RSF1: variants seen among roughly 807,000 people sequenced by gnomAD.
The protein encoded by RSF1 is remodeling and spacing factor 1.
A neutral mutation model predicts 145.2 loss-of-function variants in RSF1; 13 were observed. The ratio of observed to expected loss-of-function variants is 0.09; its 90% confidence interval spans 0.06 to 0.14. RSF1 has a LOEUF of 0.14. RSF1 is among the 10% of genes least tolerant of loss of function. RSF1 has a pLI of 1.00. For missense variants in RSF1, 1,517 were observed against 1,718.2 expected (o/e 0.88, Z 2.07); for synonymous variants, 577 against 592.6 (o/e 0.97, Z 0.38).
In RSF1 at chr11:77,701,784, GTGA is replaced by G. The variant is rs770050817; in HGVS notation, c.1442_1444del (p.Ile481del). On this transcript the variant is annotated inframe_deletion, in exon 6 of 16. Coordinates refer to ENST00000308488, the MANE Select transcript of RSF1 (RefSeq NM_016578.4). ...TAAGGACTCTGTTCCATTTCCCTCC[GTGA>G]TGATATTTCTGTCCTTAGAGGGGCT... The G allele has an allele frequency of 1.2e-6, 2 of 1,613,790 alleles. No individual in the cohort carries two copies. The highest frequency in any genetic ancestry group is 1.1e-5 in the South Asian group (1 of 91,060).
At chr11:77,736,521 G>A (rs147949566) in intron 4 of RSF1, among the ~76,000 whole-genome samples, 1 of 152,290 alleles carries the variant, frequency 6.6e-6, no homozygotes, top group Non-Finnish European at 1.5e-5. Flanking sequence ...TGACAACTAA[G>A]ATCTTATCTT....
intron 12 of RSF1, 28 bp downstream of exon 12, chr11:77,678,058 T>C (rs750369332): frequency 1.9e-6 from 3 of 1,574,812 alleles, no homozygotes; most frequent in South Asian, 1.1e-5. Flanking sequence ...CAGAGTTCTA[T>C]GAAGAAGAGA....
the RSF1 span, among the ~76,000 whole-genome samples, chr11:77,843,388 A>C: frequency 6.6e-6 from 1 of 152,170 alleles, no homozygotes. Context: ...ATGTAGCCTC[A>C]ACAACAGAAA....
At chr11:77,717,865 A>G (rs1960852949) in intron 5 of RSF1, 2 of 152,362 alleles carry the variant, frequency 1.3e-5, no homozygotes, top group South Asian at 4.1e-4. Context: ...CAGGTACAAT[A>G]GAAAATATAA....
intron 1 of RSF1, among the ~76,000 whole-genome samples, chr11:77,804,584 C>T (rs1426654208): frequency 5.3e-5 from 8 of 152,180 alleles, no homozygotes; most frequent in African/African-American, 1.4e-4. Flanking sequence ...CGCCTGTAAT[C>T]CCAGAACTTT....
At chr11:77,857,306 AAGG>A in the RSF1 span, among the ~76,000 whole-genome samples, 1 of 152,296 alleles carries the variant, frequency 6.6e-6, no homozygotes, top group Non-Finnish European at 1.5e-5. Context: ...CTGACTCTTG[AAGG>A]AGAAGTTTCC....
chr11:77,844,608 C>T, the RSF1 span, among the ~76,000 whole-genome samples: 1 of 152,126 alleles, frequency 6.6e-6, no homozygotes. Context: ...GAAATCCTCC[C>T]ACCTTGGCCT....
upstream of RSF1, among the ~76,000 whole-genome samples, chr11:77,821,761 C>T (rs532858380): frequency 8.5e-5 from 13 of 152,170 alleles, no homozygotes; most frequent in South Asian, 2.5e-3. Context: ...ACAAAGAACG[C>T]CAGAGAGAAA....
At position 77,725,677 on chromosome 11, in the gene RSF1, T is replaced by C; in HGVS notation, c.601A>G (p.Thr201Ala). 1 of 1,578,828 alleles carries C rather than the reference T, an allele frequency of 6.3e-7. No individual in the cohort carries two copies. Among genetic ancestry groups the C allele is most frequent in the South Asian group, 1.2e-5 (1 of 84,446 alleles). The change falls in exon 5 of 16, where the codon ACT (threonine) becomes GCT (alanine). Residue 201 changes from threonine to alanine, a missense_variant. Around this residue, in one of 12 missense-constraint regions of RSF1, gnomAD observed 207 missense variants for 191.4 expected, o/e 1.08. Coordinates refer to ENST00000308488, the MANE Select transcript of RSF1 (RefSeq NM_016578.4). The part of the protein sequence containing the change: ...IVRNRNELAE[T>A]LALLKAQIDP... ...ATTTGTGCTTTCAGGAGTGCAAGAG[T>C]CTCAGCCAACTCGTTTCGATTTCTA... is the stretch of plus-strand genomic sequence containing the variant.
the RSF1 span, among the ~76,000 whole-genome samples, chr11:77,836,185 CAT>C: frequency 6.6e-6 from 1 of 150,794 alleles, no homozygotes; most frequent in Non-Finnish European, 1.5e-5. Flanking sequence ...TTTCCTCAAA[CAT>C]ATTTATTTAA....
intron 1 of RSF1, among the ~76,000 whole-genome samples, chr11:77,810,508 T>C (rs984371646): frequency 6.6e-6 from 1 of 152,238 alleles, no homozygotes; most frequent in African/African-American, 2.4e-5. Flanking sequence ...TAAGTTTCAT[T>C]CACAGGACAT....
At chr11:77,674,601 C>T (rs1253967729) in intron 14 of RSF1, among the ~76,000 whole-genome samples, 1 of 152,198 alleles carries the variant, frequency 6.6e-6, no homozygotes, top group East Asian at 1.9e-4. Context: ...GTTAACGTAT[C>T]AATCAGTATG....
chr11:77,781,929 T>A (rs1264429298), intron 1 of RSF1, among the ~76,000 whole-genome samples: 1 of 152,232 alleles, frequency 6.6e-6, no homozygotes, highest in Non-Finnish European at 1.5e-5. Context: ...ATTTCTAATA[T>A]TCTTTTTCAT....
At chr11:77,842,635 T>G in the RSF1 span, 2 of 1,613,532 alleles carry the variant, frequency 1.2e-6, no homozygotes, top group Non-Finnish European at 1.7e-6. Flanking sequence ...TGAGGTAAGA[T>G]ATTAGTCTTT....
Position 77,665,807 on chromosome 11 carries a change from C to T in RSF1, c.*1110G>A, listed in dbSNP as rs1313745049. 1 of 152,066 alleles carries T rather than the reference C, an allele frequency of 6.6e-6. No individual in the cohort carries two copies. The highest frequency in any genetic ancestry group is 1.5e-5 in the Non-Finnish European group (1 of 68,016). The allele number at this position is 152,066 out of a possible 1,614,324, so 9.4% of individuals were successfully genotyped here. A position where few individuals can be genotyped will look rare whatever the true frequency, so the allele number is the denominator to read the frequency against. On this transcript the variant is annotated 3_prime_UTR_variant, in exon 16 of 16. Transcript: ENST00000308488. ...ACACAAACACACACACACGCTAAAA[C>T]TCAAACTAAAAACCTCCCAAAGGAA...
intron 2 of RSF1, among the ~76,000 whole-genome samples, chr11:77,757,084 C>G (rs1948123580): frequency 6.6e-6 from 1 of 151,930 alleles, no homozygotes; most frequent in Non-Finnish European, 1.5e-5. Context: ...TGTGCTAGGA[C>G]CAGAAGGATG....
At position 77,701,172 on chromosome 11, in the gene RSF1, G is replaced by A; in HGVS notation, c.2057C>T (p.Ala686Val). The change falls in exon 6 of 16, where the codon GCC becomes GTC. Residue 686 changes from alanine (A) to valine (V), a missense_variant. Ala to Val is a moderately conservative substitution (Grantham distance 64). Around this residue, in one of 12 missense-constraint regions of RSF1, gnomAD observed 579 missense variants for 553.5 expected, o/e 1.05. Coordinates refer to ENST00000308488, the MANE Select transcript of RSF1 (RefSeq NM_016578.4). The part of the protein sequence containing the change: ...TKVEMDNLDN[A>V]QTSGIEEPSE... Reference sequence around the variant, plus strand: ...AGGCTCCTCTATGCCAGAGGTCTGGGCATTGTCCAGATTATCCATTTCTAC... The same window carrying A: ...AGGCTCCTCTATGCCAGAGGTCTGGACATTGTCCAGATTATCCATTTCTAC... The A allele has an allele frequency of 6.2e-7, 1 of 1,614,054 alleles. No individual in the cohort carries two copies. Among genetic ancestry groups the A allele is most frequent in the Non-Finnish European group, 8.5e-7 (1 of 1,180,012 alleles).
At chr11:77,837,486 G>A in the RSF1 span, among the ~76,000 whole-genome samples, 2 of 145,746 alleles carry the variant, frequency 1.4e-5, no homozygotes, top group African/African-American at 2.6e-5. Flanking sequence ...ATGGAGTCTC[G>A]CTCTGTCACC....
intron 14 of RSF1, among the ~76,000 whole-genome samples, chr11:77,672,540 G>A (rs1959583798): frequency 6.6e-6 from 1 of 150,640 alleles, no homozygotes; most frequent in Non-Finnish European, 1.5e-5. Context: ...ACCTACCAAA[G>A]TGTTGAGATT....
Sources: allele counts gnomAD v4.1 joint callset (sites outside exome capture counted in the v4.1 genomes callset), GRCh38; gene constraint gnomAD v4.1.1; regional missense constraint gnomAD v4.1.1; transcripts MANE v1.5; gene names NCBI Gene and HGNC (gene_info 2026-07-23, HGNC 2026-07-21).